Variants in SMYD3 observed in about 807,000 individuals in gnomAD.
SMYD3 encodes histone-lysine N-methyltransferase SMYD3.
Under a neutral mutation model 57.7 loss-of-function variants are expected in SMYD3, and 36 were observed. That is an observed-to-expected ratio of 0.62 (90% CI 0.48 to 0.82). The LOEUF is 0.82. SMYD3 is among the 40% of genes least tolerant of loss of function. The pLI, the probability that SMYD3 is intolerant of heterozygous loss-of-function variation, is 0.00. For synonymous variants in SMYD3, 211 were observed against 195.0 expected, an observed-to-expected ratio of 1.08 and a Z score of -0.68; for missense variants, 515 against 538.8, an observed-to-expected ratio of 0.96 and a Z score of 0.44.
At chr1:246,313,684 A>T (rs1020513069) in intron 5 of SMYD3, among the ~76,000 whole-genome samples, 19 of 152,356 alleles carry the variant, frequency 1.2e-4, no homozygotes, top group Admixed American at 3.3e-4. Context: ...TTCAAAAACA[A>T]CATTTTAAAA....
rs1368690129 is a variant in SMYD3, at chr1:246,251,546, CTG to C, written c.531+75653_531+75654del. 1.7e-3 allele frequency among the ~76,000 whole-genome samples: 133 copies of C among 79,934 alleles called. 15 individuals are homozygous for C. The highest frequency in any genetic ancestry group is 2.5e-3 in the Non-Finnish European group (106 of 41,878). The allele number at this position is 79,934 out of a possible 152,430, so 52.4% of individuals were successfully genotyped here. A position where few individuals can be genotyped will look rare whatever the true frequency, so the allele number is the denominator to read the frequency against. On this transcript the variant is annotated intron_variant, in intron 5 of 11. Transcript: ENST00000490107. ...CCGGCTTTAGTAGGTGCCGCGGACACTGTGCCCGGCTTTAGTAGGTGCCGCGG... is the reference window on the plus strand; with the variant it reads ...CCGGCTTTAGTAGGTGCCGCGGACACTGCCCGGCTTTAGTAGGTGCCGCGG...
At chr1:245,800,027 T>C (rs1183768274) in intron 10 of SMYD3, among the ~76,000 whole-genome samples, 2 of 152,372 alleles carry the variant, frequency 1.3e-5, no homozygotes, top group South Asian at 2.1e-4. Context: ...AAAACCGCTG[T>C]GCAGCCGTGG....
chr1:246,123,643 T>G (rs778367744), intron 5 of SMYD3, among the ~76,000 whole-genome samples: 1 of 150,934 alleles, frequency 6.6e-6, no homozygotes. Context: ...CTGACTTTCC[T>G]AATGGTGGCA....
chr1:246,105,730 G>C (rs1248744485), intron 5 of SMYD3, among the ~76,000 whole-genome samples: 1 of 152,110 alleles, frequency 6.6e-6, no homozygotes, highest in African/African-American at 2.4e-5. Flanking sequence ...CCTCAGAGAA[G>C]ACACACAGAG....
intron 5 of SMYD3, among the ~76,000 whole-genome samples, chr1:245,944,812 A>G (rs1353069792): frequency 6.6e-6 from 1 of 152,210 alleles, no homozygotes; most frequent in Non-Finnish European, 1.5e-5. Flanking sequence ...AATGGAACAG[A>G]ATAGAGAACT....
At chr1:246,419,276 C>T (rs2067107205) in intron 1 of SMYD3, among the ~76,000 whole-genome samples, 2 of 152,188 alleles carry the variant, frequency 1.3e-5, no homozygotes, top group African/African-American at 2.4e-5. Flanking sequence ...TCAGACTTAG[C>T]CCGCCTGCAC....
Position 246,409,859 on chromosome 1 carries a change from T to C in SMYD3, c.165-54765A>G, listed in dbSNP as rs565002941. On this transcript the variant is annotated intron_variant, in intron 1 of 11. Coordinates refer to ENST00000490107, the MANE Select transcript of SMYD3 (RefSeq NM_001167740.2). The stretch of plus-strand genomic sequence containing the variant: ...TATCCTCTTTTATTTCATTGAGCAG[T>C]GGTTTATAGTTCTCCTTGAAGAGGT... Among the ~76,000 whole-genome samples the C allele has an allele frequency of 2.0e-5, 3 of 152,252 alleles. No homozygotes were observed. The East Asian group carries it at 5.8e-4, about 29-fold the overall frequency.
chr1:246,378,714 AATATAATATATTATATAT>A (rs1475157296), intron 1 of SMYD3, among the ~76,000 whole-genome samples: 1 of 42,786 alleles, frequency 2.3e-5, no homozygotes, highest in African/African-American at 9.3e-5. Flanking sequence ...TTATATATAT[AATATAATATATTATATAT>A]TATATATAAT....
chr1:245,780,636 T>C (rs1047582104), intron 10 of SMYD3, among the ~76,000 whole-genome samples: 2 of 152,232 alleles, frequency 1.3e-5, no homozygotes, highest in East Asian at 3.8e-4. Flanking sequence ...CTTGTAAATA[T>C]GCTAAAAAAC....
chr1:246,138,978 G>A (rs1428733870), intron 5 of SMYD3, among the ~76,000 whole-genome samples: 6 of 152,234 alleles, frequency 3.9e-5, no homozygotes, highest in Admixed American at 2.0e-4. Context: ...CAAACCCCTG[G>A]CCTGAGCTAT....
chr1:246,206,036 C>T (rs2062995099), intron 5 of SMYD3, among the ~76,000 whole-genome samples: 1 of 152,056 alleles, frequency 6.6e-6, no homozygotes. Context: ...TGAGGCTTTC[C>T]CTGATGCTGC....
chr1:246,010,472 A>G (rs2059262183), intron 5 of SMYD3, among the ~76,000 whole-genome samples: 1 of 152,180 alleles, frequency 6.6e-6, no homozygotes, highest in South Asian at 2.1e-4. Context: ...GCCTAAACAT[A>G]ATTTAATAAA....
intron 10 of SMYD3, among the ~76,000 whole-genome samples, chr1:245,830,667 G>C (rs1382389608): frequency 6.6e-6 from 1 of 152,174 alleles, no homozygotes; most frequent in African/African-American, 2.4e-5. Flanking sequence ...ATATTGCTCA[G>C]ACTACTGTAG....
chr1:246,157,054 T>C (rs2062033354), intron 5 of SMYD3, among the ~76,000 whole-genome samples: 1 of 152,204 alleles, frequency 6.6e-6, no homozygotes, highest in Admixed American at 6.5e-5. Context: ...TCGCCTCACA[T>C]CTGTTTGGAA....
chr1:245,993,670 A>G (rs1459332189), intron 5 of SMYD3, among the ~76,000 whole-genome samples: 1 of 151,854 alleles, frequency 6.6e-6, no homozygotes, highest in Non-Finnish European at 1.5e-5. Flanking sequence ...AGACAGATAT[A>G]GATTCCATTT....
intron 5 of SMYD3, among the ~76,000 whole-genome samples, chr1:245,965,058 A>G (rs2058105165): frequency 6.6e-6 from 1 of 152,154 alleles, no homozygotes; most frequent in Non-Finnish European, 1.5e-5. Flanking sequence ...AAGATAAAGA[A>G]AAAAAATATT....
intron 10 of SMYD3, among the ~76,000 whole-genome samples, chr1:245,786,948 T>C (rs1244672692): frequency 1.3e-5 from 2 of 152,210 alleles, no homozygotes; most frequent in African/African-American, 2.4e-5. Context: ...AAAAATCCTG[T>C]CATAGAGTAA....
intron 10 of SMYD3, among the ~76,000 whole-genome samples, chr1:245,765,053 C>CAT (rs1446416379): frequency 7.1e-6 from 1 of 140,770 alleles, no homozygotes; most frequent in Non-Finnish European, 1.5e-5. Flanking sequence ...CCTACACACA[C>CAT]ACACACACAC....
intron 10 of SMYD3, among the ~76,000 whole-genome samples, chr1:245,785,637 G>A (rs1431153920): frequency 1.3e-5 from 2 of 148,680 alleles, no homozygotes; most frequent in Non-Finnish European, 3.0e-5. Context: ...CCCAGAGAGA[G>A]AGCGAGCGAG....
Sources: gnomAD v4.1 joint callset for allele counts (sites outside exome capture counted in the v4.1 genomes callset) on GRCh38, gnomAD v4.1.1 for gene constraint, MANE v1.5 for transcripts, NCBI Gene and HGNC (gene_info 2026-07-23, HGNC 2026-07-21) for gene names.